The following LRBA variants were observed in gnomAD, a reference collection of about 807,000 sequenced individuals.
The protein encoded by LRBA is LPS responsive beige-like anchor protein.
In LRBA, 176 loss-of-function variants were observed where a neutral mutation model predicts 330.0. The observed-to-expected ratio is 0.53, with a 90% confidence interval of 0.47 to 0.60. The LOEUF is 0.60. Among genes scored for constraint, LRBA ranks in the 20% least tolerant of loss-of-function variants. LRBA has a pLI of 0.00. For missense variants in LRBA, 3,259 were observed against 3,444.8 expected, an observed-to-expected ratio of 0.95 and a Z score of 1.35; for synonymous variants, 1,230 against 1,193.0, an observed-to-expected ratio of 1.03 and a Z score of -0.64.
At chr4:150,620,120 C>G (rs1776152873) in intron 37 of LRBA, among the ~76,000 whole-genome samples, 1 of 152,004 alleles carries the variant, frequency 6.6e-6, no homozygotes. Flanking sequence ...AAAATTACAT[C>G]AGAGTTAAAG....
In LRBA at chr4:150,698,956, T is replaced by C. The variant is rs147565547; in HGVS notation, c.5755-15239A>G. Among the ~76,000 whole-genome samples the C allele has an allele frequency of 1.3e-4, 20 of 152,256 alleles. No individual in the cohort carries two copies. The East Asian group carries it at 3.9e-3, about 29-fold the overall frequency. On this transcript the variant is annotated intron_variant, in intron 36 of 56. Transcript: ENST00000651943. ...GACTAAATACACAAGACTTTGGATA[T>C]GAAAACTGAAAAATATTATTACTGC...
chr4:150,492,736 G>A (rs1374664767), intron 40 of LRBA, among the ~76,000 whole-genome samples: 1 of 152,028 alleles, frequency 6.6e-6, no homozygotes, highest in African/African-American at 2.4e-5. Context: ...CCTCATATCT[G>A]GGACTGTCAG....
chr4:150,937,790 G>T (rs904772140), intron 2 of LRBA, among the ~76,000 whole-genome samples: 4 of 152,000 alleles, frequency 2.6e-5, no homozygotes, highest in African/African-American at 7.2e-5. Context: ...TTTGTATGAG[G>T]ACTTTAATTG....
rs760927932 is a variant in LRBA, at chr4:150,831,886, G to C, written c.4660C>G (p.Pro1554Ala). 2 of 1,603,004 alleles carry C rather than the reference G, an allele frequency of 1.2e-6. No individual in the cohort carries two copies. Among genetic ancestry groups the C allele is most frequent in the Non-Finnish European group, 8.5e-7 (1 of 1,173,926 alleles). ...MVSKYRDILE[P>A]QNERHSQSCT... ...GACTGGCTATGCCTTTCATTTTGGGGTTCCAAAATGTCTCTGTACTTGGAG... is the reference window on the plus strand; with the variant it reads ...GACTGGCTATGCCTTTCATTTTGGGCTTCCAAAATGTCTCTGTACTTGGAG... Residue 1554 changes from proline to alanine, a missense_variant, in exon 29 of 57, where the codon CCC (proline) becomes GCC (alanine). Physicochemically the swap from Pro to Ala is conservative, Grantham distance 27. Coordinates refer to ENST00000651943, the MANE Select transcript of LRBA (RefSeq NM_001364905.1).
rs143715561 is a variant in LRBA at position 150,448,300 on chromosome 4, T to C, written c.6781-11436A>G. On this transcript the variant is annotated intron_variant, in intron 44 of 56. Transcript: ENST00000651943. Reference sequence around the variant, plus strand: ...GCAGTTCTACCTTCATATAAAAATGTAGAAAGTATCAGGGAATGTTGCTGT... The same window carrying C: ...GCAGTTCTACCTTCATATAAAAATGCAGAAAGTATCAGGGAATGTTGCTGT... Among the ~76,000 whole-genome samples the C allele has an allele frequency of 4.1e-3, 630 of 152,322 alleles. 4 individuals are homozygous for C. The highest frequency in any genetic ancestry group is 6.6e-3 in the Non-Finnish European group (451 of 68,036).
intron 56 of LRBA, among the ~76,000 whole-genome samples, chr4:150,277,337 G>T (rs1202758610): frequency 6.6e-6 from 1 of 152,060 alleles, no homozygotes; most frequent in Non-Finnish European, 1.5e-5. Context: ...GGGTTGATGG[G>T]TGCAGCAGAC....
At chr4:150,803,906 T>C (rs1742157200) in intron 33 of LRBA, among the ~76,000 whole-genome samples, 1 of 152,138 alleles carries the variant, frequency 6.6e-6, no homozygotes, top group Non-Finnish European at 1.5e-5. Flanking sequence ...TTGCTAATGC[T>C]TCTGGGTATT....
At chr4:150,828,140 G>C (rs762713333) in intron 30 of LRBA, 40 bp downstream of exon 30, 1 of 1,582,628 alleles carries the variant, frequency 6.3e-7, no homozygotes, top group East Asian at 2.2e-5. Context: ...TCAAGGGTCA[G>C]ATGTAGAAAC....
At chr4:150,607,978 T>A (rs937795893) in intron 37 of LRBA, among the ~76,000 whole-genome samples, 2 of 152,162 alleles carry the variant, frequency 1.3e-5, no homozygotes, top group African/African-American at 4.8e-5. Context: ...GAAGTTGCAG[T>A]GAGCCAAGAT....
At chr4:150,637,876 A>G (rs2126699445) in intron 37 of LRBA, among the ~76,000 whole-genome samples, 1 of 152,252 alleles carries the variant, frequency 6.6e-6, no homozygotes, top group South Asian at 2.1e-4. Context: ...TTAAGCTGTT[A>G]AGCTTTAGAG....
At chr4:150,906,217 C>A in intron 12 of LRBA, 80 bp downstream of exon 12, 1 of 942,526 alleles carries the variant, frequency 1.1e-6, no homozygotes. Flanking sequence ...TTCTTGCAGA[C>A]AGAATTCCTT....
intron 40 of LRBA, among the ~76,000 whole-genome samples, chr4:150,499,004 C>T (rs972774793): frequency 6.6e-6 from 1 of 152,018 alleles, no homozygotes; most frequent in Non-Finnish European, 1.5e-5. Flanking sequence ...GAAAGTCAAG[C>T]ATAAATATGC....
chr4:150,515,619 A>T (rs963554434), intron 40 of LRBA, among the ~76,000 whole-genome samples: 4 of 152,160 alleles, frequency 2.6e-5, no homozygotes, highest in African/African-American at 9.6e-5. Context: ...CAAAAGTTGT[A>T]ATAAATGAAA....
At chr4:150,371,182 A>ATTTTTTTTTTTTTTTTTTTTTTTTTTTT (rs70937395) in intron 47 of LRBA, among the ~76,000 whole-genome samples, 6 of 91,926 alleles carry the variant, frequency 6.5e-5, no homozygotes, top group African/African-American at 2.9e-4. Context: ...AAGCTACTAA[A>ATTTTTTTTTTTTTTTTTTTTTTTTTTTT]TTTTTTTTTT....
intron 40 of LRBA, among the ~76,000 whole-genome samples, chr4:150,556,797 T>C (rs1429573230): frequency 6.6e-6 from 1 of 152,222 alleles, no homozygotes; most frequent in Non-Finnish European, 1.5e-5. Flanking sequence ...GGTGTATAAA[T>C]TGGATACTTC....
At chr4:150,706,799 A>C (rs1274125926) in intron 36 of LRBA, among the ~76,000 whole-genome samples, 1 of 151,696 alleles carries the variant, frequency 6.6e-6, no homozygotes, top group African/African-American at 2.4e-5. Context: ...TGCTCACAGA[A>C]AGGGAAATAC....
chr4:150,868,030 C>T (rs1752951002), intron 21 of LRBA, 152 bp downstream of exon 21: 1 of 918,166 alleles, frequency 1.1e-6, no homozygotes, highest in Non-Finnish European at 1.6e-6. Context: ...AAAATTCTAA[C>T]TTAACTATGT....
chr4:150,756,411 T>C (rs1242744740), intron 35 of LRBA, among the ~76,000 whole-genome samples: 1 of 152,128 alleles, frequency 6.6e-6, no homozygotes, highest in Non-Finnish European at 1.5e-5. Flanking sequence ...TTGCAAGTAA[T>C]ATCACCAAAA....
chr4:150,937,039 A>G (rs1247627551), intron 2 of LRBA, among the ~76,000 whole-genome samples: 2 of 152,036 alleles, frequency 1.3e-5, no homozygotes, highest in Non-Finnish European at 2.9e-5. Flanking sequence ...GTAATTTCCA[A>G]AAAAAGCCCC....
Sources: allele counts gnomAD v4.1 joint callset (sites outside exome capture counted in the v4.1 genomes callset), GRCh38; gene constraint gnomAD v4.1.1; transcripts MANE v1.5; gene names NCBI Gene and HGNC (gene_info 2026-07-23, HGNC 2026-07-21).